Variants in PPARGC1A observed in about 807,000 individuals in gnomAD.
The protein encoded by PPARGC1A is peroxisome proliferator-activated receptor gamma coactivator 1-alpha.
A neutral mutation model predicts 88.7 loss-of-function variants in PPARGC1A; 25 were observed. The ratio of observed to expected loss-of-function variants is 0.28; its 90% CI spans 0.21 to 0.39. The LOEUF is 0.39. Among genes scored for constraint, PPARGC1A ranks in the 10% least tolerant of loss-of-function variants. The pLI, the probability that PPARGC1A is intolerant of heterozygous loss-of-function variation, is 1.00. For missense variants in PPARGC1A, 880 were observed against 968.7 expected (o/e 0.91, Z 1.22); for synonymous variants, 363 against 355.6 (o/e 1.02, Z -0.24).
the PPARGC1A span, among the ~76,000 whole-genome samples, chr4:24,089,984 G>A: frequency 1.3e-5 from 2 of 152,146 alleles, no homozygotes; most frequent in African/African-American, 2.4e-5. Flanking sequence ...AAAGGGTCAC[G>A]GGATGCTGAC....
At chr4:23,899,606 C>T (rs1200205831), upstream of PPARGC1A, among the ~76,000 whole-genome samples, 1 of 152,190 alleles carries the variant, frequency 6.6e-6, no homozygotes, top group African/African-American at 2.4e-5. Context: ...ACTTCTGCTA[C>T]ACACCAAAAT....
At chr4:24,333,076 T>G in the PPARGC1A span, among the ~76,000 whole-genome samples, 3,111 of 152,288 alleles carry the variant, frequency 0.02, 105 homozygotes, top group African/African-American at 0.071. Flanking sequence ...ACCCTGTCTC[T>G]ACAAAAACTA....
At chr4:24,185,422 TGAGCAGCC>T in the PPARGC1A span, among the ~76,000 whole-genome samples, 1 of 152,184 alleles carries the variant, frequency 6.6e-6, no homozygotes, top group African/African-American at 2.4e-5. Context: ...AAAGATAAGA[TGAGCAGCC>T]TCCAGTACCC....
chr4:24,256,317 G>A, the PPARGC1A span, among the ~76,000 whole-genome samples: 1 of 152,270 alleles, frequency 6.6e-6, no homozygotes, highest in South Asian at 2.1e-4. Flanking sequence ...AGATCGGCAG[G>A]AGACATGTCA....
chr4:24,387,764 GAGAGAAAGAAAGAA>G, the PPARGC1A span, among the ~76,000 whole-genome samples: 26 of 76,556 alleles, frequency 3.4e-4, no homozygotes, highest in African/African-American at 1.5e-3. Context: ...GAGAGAGAGA[GAGAGAAAGAAAGAA>G]AGAAAGAAAG....
chr4:23,912,913 C>T, the PPARGC1A span, among the ~76,000 whole-genome samples: 4 of 151,228 alleles, frequency 2.6e-5, no homozygotes, highest in South Asian at 2.1e-4. Flanking sequence ...CTCAGCCTCC[C>T]GAGTAGCTGG....
the PPARGC1A span, among the ~76,000 whole-genome samples, chr4:24,234,716 G>A: frequency 6.6e-6 from 1 of 152,176 alleles, no homozygotes; most frequent in Non-Finnish European, 1.5e-5. Flanking sequence ...TTACATAGAA[G>A]TAAAGTAGCC....
chr4:23,902,615 A>ACTCTAGGAT (rs141604377), upstream of PPARGC1A, among the ~76,000 whole-genome samples: 600 of 152,316 alleles, frequency 3.9e-3, 3 homozygotes, highest in African/African-American at 0.014. Flanking sequence ...AGCTGACCGT[A>ACTCTAGGAT]CTCTAGGATG....
chr4:24,278,806 C>G, the PPARGC1A span, among the ~76,000 whole-genome samples: 7 of 151,844 alleles, frequency 4.6e-5, no homozygotes, highest in Admixed American at 4.6e-4. Flanking sequence ...TTTTTACTTC[C>G]CCCTCACCAG....
the PPARGC1A span, among the ~76,000 whole-genome samples, chr4:24,157,551 T>C: frequency 6.6e-6 from 1 of 152,184 alleles, no homozygotes; most frequent in East Asian, 1.9e-4. Context: ...CCTGGATGAG[T>C]AGTTGAACTT....
At chr4:24,042,763 A>G in the PPARGC1A span, among the ~76,000 whole-genome samples, 1 of 152,210 alleles carries the variant, frequency 6.6e-6, no homozygotes, top group African/African-American at 2.4e-5. Context: ...ATATAAATGC[A>G]TATGTGCCCT....
At chr4:24,232,202 GA>G in the PPARGC1A span, among the ~76,000 whole-genome samples, 25,586 of 143,198 alleles carry the variant, frequency 0.18, 2,634 homozygotes, top group East Asian at 0.41. Flanking sequence ...AGGAAGGATT[GA>G]AAAAAAAAAA....
chr4:24,119,217 G>A, the PPARGC1A span, among the ~76,000 whole-genome samples: 2 of 152,060 alleles, frequency 1.3e-5, no homozygotes, highest in Non-Finnish European at 2.9e-5. Flanking sequence ...CTCTTTCCCC[G>A]AAATGCTGCC....
the PPARGC1A span, among the ~76,000 whole-genome samples, chr4:24,052,562 G>A: frequency 6.6e-5 from 10 of 151,630 alleles, no homozygotes; most frequent in South Asian, 4.2e-4. Flanking sequence ...ACTTGAACCC[G>A]GGAGGCAGAG....
the PPARGC1A span, among the ~76,000 whole-genome samples, chr4:24,067,834 CT>C: frequency 6.6e-6 from 1 of 152,182 alleles, no homozygotes; most frequent in South Asian, 2.1e-4. Flanking sequence ...TGAATTCCAA[CT>C]GCCAAAGTAA....
intron 2 of PPARGC1A, among the ~76,000 whole-genome samples, chr4:23,834,915 A>G (rs1419935704): frequency 1.3e-5 from 2 of 152,302 alleles, no homozygotes; most frequent in East Asian, 3.9e-4. Flanking sequence ...TGAGATTTAC[A>G]CCATTATAAC....
the PPARGC1A span, among the ~76,000 whole-genome samples, chr4:24,033,787 C>G: frequency 2.2e-4 from 34 of 152,266 alleles, no homozygotes; most frequent in African/African-American, 8.2e-4. Flanking sequence ...ACTGACTAGG[C>G]AAAGTTCTGC....
the PPARGC1A span, among the ~76,000 whole-genome samples, chr4:24,115,020 A>T: frequency 6.6e-6 from 1 of 152,226 alleles, no homozygotes; most frequent in Non-Finnish European, 1.5e-5. Context: ...CAATTTCTCC[A>T]GTACAAAAAA....
At chr4:23,824,689 G>C (rs574545498) in intron 5 of PPARGC1A, among the ~76,000 whole-genome samples, 181 bp from the exon 6 acceptor site, 1 of 152,004 alleles carries the variant, frequency 6.6e-6, no homozygotes, top group Non-Finnish European at 1.5e-5. Context: ...TCCAAACAGC[G>C]TTTGCATCAG....
Sources: allele counts gnomAD v4.1 joint callset (sites outside exome capture counted in the v4.1 genomes callset), GRCh38; gene constraint gnomAD v4.1.1; transcripts MANE v1.5; gene names NCBI Gene and HGNC (gene_info 2026-07-23, HGNC 2026-07-21).